Variants in GIGYF2 observed in about 807,000 individuals in gnomAD.
The protein encoded by GIGYF2 is GRB10 interacting GYF protein 2.
In GIGYF2, 25 loss-of-function variants were observed where a neutral mutation model predicts 208.1. The ratio of observed to expected loss-of-function variants is 0.12; its 90% CI spans 0.09 to 0.17. The LOEUF (loss-of-function observed/expected upper bound fraction) is 0.17. Among genes scored for constraint, GIGYF2 ranks in the 10% least tolerant of loss-of-function variants. The pLI is 1.00. For synonymous variants in GIGYF2, 534 were observed against 543.8 expected, an observed-to-expected ratio of 0.98 and a Z score of 0.25; for missense variants, 1,302 against 1,579.4, an observed-to-expected ratio of 0.82 and a Z score of 2.98.
rs906186738 is a variant in GIGYF2, at chr2:232,787,181, A to C, written c.564A>C (p.Thr188=). ...CAAATTTTGAGGAAGGTGGACCAACATCAGTAGGGAGAAAGCATGAATTTA... is the reference window on the plus strand; with the variant it reads ...CAAATTTTGAGGAAGGTGGACCAACCTCAGTAGGGAGAAAGCATGAATTTA... ...GRPNFEEGGP[T]SVGRKHEFIR... The change falls in exon 9 of 29, where the codon ACA becomes ACC. Residue 188 remains threonine, a synonymous_variant. Transcript: ENST00000373563. 1 of 1,613,992 alleles carries C rather than the reference A, an allele frequency of 6.2e-7. No individual in the cohort carries two copies. The highest frequency in any genetic ancestry group is 1.3e-5 in the African/African-American group (1 of 74,920).
At chr2:232,798,689 A>G (rs1294692517) in intron 14 of GIGYF2, among the ~76,000 whole-genome samples, 1 of 151,952 alleles carries the variant, frequency 6.6e-6, no homozygotes, top group Non-Finnish European at 1.5e-5. Flanking sequence ...ACATCTTTGC[A>G]TGTTCTTACT....
At chr2:232,856,733 AGAATTT>A in intron 28 of GIGYF2, 54 bp from the exon 29 acceptor site, 1 of 1,001,522 alleles carries the variant, frequency 1.0e-6, no homozygotes, top group African/African-American at 1.6e-5. Context: ...CTCACCGCCT[AGAATTT>A]GAGCCGCTTG....
chr2:232,838,998 T>C lies in GIGYF2; in HGVS notation c.2767-851T>C, dbSNP rs573569669. On this transcript the variant is annotated intron_variant, in intron 22 of 28. Transcript: ENST00000373563. ...TTTATCCTATCAATATCCACTGTTATAGATTTCTGCTGTAGGTCCATTCTT... is the reference window on the plus strand; with the variant it reads ...TTTATCCTATCAATATCCACTGTTACAGATTTCTGCTGTAGGTCCATTCTT... 1.7e-3 allele frequency among the ~76,000 whole-genome samples: 260 copies of C among 152,372 alleles called. 1 individual carries two copies. The highest frequency in any genetic ancestry group is 2.7e-3 in the Admixed American group (41 of 15,310).
At chr2:232,732,690 G>T (rs1697556089) in intron 2 of GIGYF2, among the ~76,000 whole-genome samples, 2 of 151,062 alleles carry the variant, frequency 1.3e-5, no homozygotes, top group South Asian at 4.2e-4. Flanking sequence ...GCCCAGGCTG[G>T]AGTGCAGTGG....
chr2:232,857,129 C>A lies in GIGYF2; in HGVS notation c.*269C>A. 1.9e-6 allele frequency: 1 copy of A among 538,916 alleles called. No individual in the cohort carries two copies. Among genetic ancestry groups the A allele is most frequent in the Non-Finnish European group, 3.3e-6 (1 of 298,578 alleles). The allele number at this position is 538,916 out of a possible 1,614,324, so 33.4% of individuals were successfully genotyped here. A position where few individuals can be genotyped will look rare whatever the true frequency, so the allele number is the denominator to read the frequency against. ...ACTCCCCAACAAGGCTGATTTTAGG[C>A]AGCATGTGTTCACTGTGCTGTGATT... On this transcript the variant is annotated 3_prime_UTR_variant, in exon 29 of 29. Transcript: ENST00000373563.
intron 8 of GIGYF2, among the ~76,000 whole-genome samples, chr2:232,785,945 A>G (rs1297219047): frequency 6.6e-6 from 1 of 152,252 alleles, no homozygotes; most frequent in Non-Finnish European, 1.5e-5. Flanking sequence ...GAGGACATCA[A>G]TGTATGTTAT....
At chr2:232,803,682 T>TCC (rs1417159519) in intron 14 of GIGYF2, among the ~76,000 whole-genome samples, 4,614 of 94,358 alleles carry the variant, frequency 0.049, 1,856 homozygotes, top group South Asian at 0.075. Flanking sequence ...TTCTTTTTTT[T>TCC]TTTTTTTTTT....
At chr2:232,836,299 T>C (rs372522150) in intron 22 of GIGYF2, among the ~76,000 whole-genome samples, 782 of 19,984 alleles carry the variant, frequency 0.039, 174 homozygotes, top group African/African-American at 0.11. Context: ...TATATATATA[T>C]ATATATATAT....
At chr2:232,761,839 G>A (rs1298323699) in intron 8 of GIGYF2, among the ~76,000 whole-genome samples, 2 of 145,986 alleles carry the variant, frequency 1.4e-5, no homozygotes, top group Admixed American at 1.4e-4. Flanking sequence ...CCTTTTTGCT[G>A]TATAGTCCTT....
chr2:232,771,428 T>A, intron 8 of GIGYF2: 1 of 1,218,534 alleles, frequency 8.2e-7, no homozygotes, highest in South Asian at 1.4e-5. Flanking sequence ...ATAGTTAATG[T>A]TTGTGAATTT....
chr2:232,711,020 G>A (rs184341271), intron 2 of GIGYF2, among the ~76,000 whole-genome samples: 1 of 151,630 alleles, frequency 6.6e-6, no homozygotes, highest in African/African-American at 2.4e-5. Context: ...TGTTCTTATT[G>A]TCAGTGATAT....
intron 22 of GIGYF2, among the ~76,000 whole-genome samples, chr2:232,838,535 GACA>G (rs1477449794): frequency 6.6e-6 from 1 of 152,102 alleles, no homozygotes; most frequent in Non-Finnish European, 1.5e-5. Context: ...TGTGATTTTA[GACA>G]ACATCAGTGG....
chr2:232,772,363 G>A (rs1699302556), intron 8 of GIGYF2, among the ~76,000 whole-genome samples: 1 of 152,058 alleles, frequency 6.6e-6, no homozygotes, highest in South Asian at 2.1e-4. Flanking sequence ...ATTGTTTCTT[G>A]GCAAAATAAG....
At chr2:232,745,422 A>G (rs972244990) in intron 3 of GIGYF2, among the ~76,000 whole-genome samples, 1 of 152,180 alleles carries the variant, frequency 6.6e-6, no homozygotes, top group Non-Finnish European at 1.5e-5. Context: ...AGGACCCAGG[A>G]GCCAACCTGA....
At chr2:232,711,126 G>A (rs1257760679) in intron 2 of GIGYF2, among the ~76,000 whole-genome samples, 1 of 149,720 alleles carries the variant, frequency 6.7e-6, no homozygotes, top group African/African-American at 2.5e-5. Context: ...TTTAAAGACA[G>A]TGTCTTGGTC....
rs534072589 is a variant in GIGYF2, at chr2:232,858,565, C to T, written c.*1705C>T. ...ATGTTTACAAAACTTTAGGCTCCCT[C>T]GGAACTTTTGCCAGTGTGGAGGAAA... is the stretch of plus-strand genomic sequence containing the variant. On this transcript the variant is annotated 3_prime_UTR_variant, in exon 29 of 29. Transcript: ENST00000373563. 1.0e-4 allele frequency: 46 copies of T among 456,004 alleles called. No individual in the cohort carries two copies. Among genetic ancestry groups the T allele is most frequent in the Non-Finnish European group, 1.6e-4 (36 of 226,718 alleles). 28.2% of individuals were successfully genotyped at this position (456,004 alleles called of 1,614,324 possible).
chr2:232,770,007 A>G (rs981225143), intron 8 of GIGYF2, among the ~76,000 whole-genome samples: 2 of 152,160 alleles, frequency 1.3e-5, no homozygotes, highest in African/African-American at 4.8e-5. Context: ...GGAGATGCCA[A>G]ATTTCAATTA....
chr2:232,773,188 A>G (rs968318362), intron 8 of GIGYF2, among the ~76,000 whole-genome samples: 18 of 152,150 alleles, frequency 1.2e-4, no homozygotes, highest in African/African-American at 4.1e-4. Context: ...TTTTCTTGGC[A>G]TAGCTACTTA....
intron 25 of GIGYF2, 44 bp downstream of exon 25, chr2:232,844,618 G>C: frequency 7.3e-7 from 1 of 1,362,374 alleles, no homozygotes; most frequent in Non-Finnish European, 1.0e-6. Context: ...GGTTGGTTGG[G>C]AGGTGGGGAT....
Sources: gnomAD v4.1 joint callset for allele counts (sites outside exome capture counted in the v4.1 genomes callset) on GRCh38, gnomAD v4.1.1 for gene constraint, MANE v1.5 for transcripts, NCBI Gene and HGNC (gene_info 2026-07-23, HGNC 2026-07-21) for gene names.